The following PPP2CB variants were observed in gnomAD, a reference collection of about 807,000 sequenced individuals.
The protein encoded by PPP2CB is serine/threonine-protein phosphatase 2A catalytic subunit beta isoform.
Under a neutral mutation model 39.1 loss-of-function variants are expected in PPP2CB, and 18 were observed. The observed-to-expected ratio is 0.46, with a 90% CI of 0.32 to 0.68. The LOEUF (loss-of-function observed/expected upper bound fraction) is 0.68, where lower values mean the gene tolerates loss of function less well. PPP2CB is among the 30% of genes least tolerant of loss of function. The pLI is 0.04. For missense variants in PPP2CB, 226 were observed against 396.9 expected (o/e 0.57, Z 3.66); for synonymous variants, 129 against 133.8 (o/e 0.96, Z 0.25).
intron 2 of PPP2CB, among the ~76,000 whole-genome samples, chr8:30,799,047 A>G (rs1806573058): frequency 6.6e-6 from 1 of 152,256 alleles, no homozygotes; most frequent in South Asian, 2.1e-4. Context: ...AGGAGTTTGA[A>G]TTTGATTCTA....
intron 1 of PPP2CB, among the ~76,000 whole-genome samples, chr8:30,807,106 C>G (rs1397594996): frequency 6.6e-6 from 1 of 152,150 alleles, no homozygotes. Flanking sequence ...TCTTGACCCT[C>G]TATTTCACTG....
intron 3 of PPP2CB, among the ~76,000 whole-genome samples, chr8:30,795,828 C>A (rs1190113043): frequency 6.6e-6 from 1 of 152,196 alleles, no homozygotes; most frequent in African/African-American, 2.4e-5. Context: ...AAAGCTGCAC[C>A]TGTTCTTGTG....
At chr8:30,798,091 G>A (rs1357232496) in intron 2 of PPP2CB, among the ~76,000 whole-genome samples, 1 of 152,004 alleles carries the variant, frequency 6.6e-6, no homozygotes, top group South Asian at 2.1e-4. Context: ...AATCTTTCTA[G>A]AACACTATGA....
At chr8:30,803,479 A>C (rs1263635064) in intron 1 of PPP2CB, among the ~76,000 whole-genome samples, 4 of 152,166 alleles carry the variant, frequency 2.6e-5, no homozygotes, top group South Asian at 4.1e-4. Flanking sequence ...CAGGAGTACA[A>C]GGCTGCAGTG....
chr8:30,808,224 G>A (rs1012422030), intron 1 of PPP2CB, among the ~76,000 whole-genome samples: 2 of 151,892 alleles, frequency 1.3e-5, no homozygotes, highest in African/African-American at 2.4e-5. Context: ...TCAGCCTCCC[G>A]AGTAGCTGGG....
At chr8:30,801,921 C>A (rs1456042180) in intron 1 of PPP2CB, among the ~76,000 whole-genome samples, 1 of 152,176 alleles carries the variant, frequency 6.6e-6, no homozygotes, top group African/African-American at 2.4e-5. Context: ...TCTATTCCAA[C>A]AGAAGTGTTC....
intron 5 of PPP2CB, chr8:30,793,660 C>A: frequency 3.0e-6 from 1 of 331,256 alleles, no homozygotes; most frequent in East Asian, 4.9e-5. Context: ...TATTTACAGT[C>A]AGGAATCTGA....
At chr8:30,794,674 C>A (rs904048974) in intron 3 of PPP2CB, among the ~76,000 whole-genome samples, 1 of 152,102 alleles carries the variant, frequency 6.6e-6, no homozygotes, top group East Asian at 1.9e-4. Flanking sequence ...TTGATCACTG[C>A]GCAATGCAGC....
chr8:30,806,530 T>C (rs1266173542), intron 1 of PPP2CB, among the ~76,000 whole-genome samples: 1 of 152,174 alleles, frequency 6.6e-6, no homozygotes, highest in South Asian at 2.1e-4. Context: ...CAATAAAAAA[T>C]TTCTATTTAA....
chr8:30,805,601 T>C (rs993270635), intron 1 of PPP2CB, among the ~76,000 whole-genome samples: 12 of 152,066 alleles, frequency 7.9e-5, no homozygotes, highest in African/African-American at 2.9e-4. Context: ...AAAATTAAAC[T>C]ACAGCCTACA....
At chr8:30,811,683 G>A (rs1806830472) in intron 1 of PPP2CB, among the ~76,000 whole-genome samples, 1 of 151,194 alleles carries the variant, frequency 6.6e-6, no homozygotes. Context: ...TTTTTTGTGT[G>A]TGGAGACGGG....
rs770847014 is a variant in PPP2CB at position 30,812,448 on chromosome 8, G to C, written c.-27C>G. The C allele has an allele frequency of 6.7e-7, 1 of 1,483,374 alleles. No homozygotes were observed. The highest frequency in any genetic ancestry group is 2.7e-5 in the East Asian group (1 of 36,720). 91.9% of individuals were successfully genotyped at this position (1,483,374 alleles called of 1,614,324 possible). A position where few individuals can be genotyped will look rare whatever the true frequency, so the allele number is the denominator to read the frequency against. On this transcript the variant is annotated 5_prime_UTR_variant, in exon 1 of 7. Transcript: ENST00000221138. ...GCGGCCCGATCCCGATGCGGATCCCGAGCCCCAGCCCGGCCGCCGCCCTCC... is the reference window on the plus strand; with the variant it reads ...GCGGCCCGATCCCGATGCGGATCCCCAGCCCCAGCCCGGCCGCCGCCCTCC...
chr8:30,792,486 C>T (rs900180319), intron 5 of PPP2CB, among the ~76,000 whole-genome samples: 1 of 152,126 alleles, frequency 6.6e-6, no homozygotes, highest in Non-Finnish European at 1.5e-5. Context: ...CCCTTTTGCC[C>T]AGGCTGGAGT....
chr8:30,803,785 G>A (rs60421564), intron 1 of PPP2CB, among the ~76,000 whole-genome samples: 1 of 151,528 alleles, frequency 6.6e-6, no homozygotes, highest in African/African-American at 2.4e-5. Context: ...CTAACTTTTG[G>A]AGAATTTATA....
intron 6 of PPP2CB, 199 bp from the exon 7 acceptor site, chr8:30,786,506 A>AATTTTTTTTTT: frequency 2.6e-6 from 1 of 384,866 alleles, no homozygotes; most frequent in Non-Finnish European, 4.6e-6. Flanking sequence ...TATGGTGAAA[A>AATTTTTTTTTT]TTTAAGAAGA....
At chr8:30,789,626 G>A (rs1226637821) in intron 6 of PPP2CB, among the ~76,000 whole-genome samples, 2 of 152,204 alleles carry the variant, frequency 1.3e-5, no homozygotes. Context: ...TGTCAGGGAT[G>A]AGTGTGATTT....
chr8:30,802,720 A>C (rs1313234828), intron 1 of PPP2CB, among the ~76,000 whole-genome samples: 1 of 152,196 alleles, frequency 6.6e-6, no homozygotes, highest in Non-Finnish European at 1.5e-5. Flanking sequence ...AAACTTCAAA[A>C]CAAATTCCAG....
At chr8:30,811,898 T>C (rs1022600733) in intron 1 of PPP2CB, among the ~76,000 whole-genome samples, 1 of 152,190 alleles carries the variant, frequency 6.6e-6, no homozygotes, top group African/African-American at 2.4e-5. Flanking sequence ...TTAATTTTAG[T>C]TGCATTTTCA....
At chr8:30,791,368 C>T in intron 5 of PPP2CB, 53 bp from the exon 6 acceptor site, 6 of 1,332,526 alleles carry the variant, frequency 4.5e-6, no homozygotes, top group South Asian at 1.3e-5. Flanking sequence ...GATTTTGACA[C>T]AGACACATTT....
Sources: gnomAD v4.1 joint callset for allele counts (sites outside exome capture counted in the v4.1 genomes callset) on GRCh38, gnomAD v4.1.1 for gene constraint, MANE v1.5 for transcripts, NCBI Gene and HGNC (gene_info 2026-07-23, HGNC 2026-07-21) for gene names.